Variants in TNRC6B observed in about 807,000 individuals in gnomAD.
The protein encoded by TNRC6B is trinucleotide repeat-containing gene 6B protein.
Under a neutral mutation model 203.6 loss-of-function variants are expected in TNRC6B, and 52 were observed. That is an observed-to-expected ratio of 0.26 (90% CI 0.20 to 0.32). TNRC6B has a LOEUF of 0.32. TNRC6B is among the 10% of genes least tolerant of loss of function. TNRC6B has a pLI of 1.00. For missense variants in TNRC6B, 1,923 were observed against 2,286.2 expected, an observed-to-expected ratio of 0.84 and a Z score of 3.24; for synonymous variants, 838 against 845.7, an observed-to-expected ratio of 0.99 and a Z score of 0.16.
At chr22:40,192,655 C>T (rs535697367) in intron 1 of TNRC6B, among the ~76,000 whole-genome samples, 1 of 152,094 alleles carries the variant, frequency 6.6e-6, no homozygotes, top group African/African-American at 2.4e-5. Context: ...GAGCTCCTTC[C>T]GAAGTGGGAT....
chr22:40,082,108 A>C (rs1176891734), intron 1 of TNRC6B, among the ~76,000 whole-genome samples: 1 of 152,234 alleles, frequency 6.6e-6, no homozygotes, highest in East Asian at 1.9e-4. Flanking sequence ...AGTTGAAAAC[A>C]AAAATCCTAG....
chr22:40,325,492 A>T lies in TNRC6B; in HGVS notation c.*2251A>T, dbSNP rs1439895901. On this transcript the variant is annotated 3_prime_UTR_variant, in exon 23 of 23. Transcript: ENST00000454349. The stretch of plus-strand genomic sequence containing the variant: ...AAGCCTGCATGAGCCCTCTGTGGGT[A>T]GGTGGTCACACTTGGCATCTGCAGC... 6.6e-6 allele frequency: 1 copy of T among 152,478 alleles called. No individual in the cohort carries two copies. Among genetic ancestry groups the T allele is most frequent in the African/African-American group, 2.4e-5 (1 of 41,448 alleles). The allele number at this position is 152,478 out of a possible 1,614,324, so 9.4% of individuals were successfully genotyped here.
chr22:40,219,541 G>A (rs962023320), intron 1 of TNRC6B, among the ~76,000 whole-genome samples: 4 of 152,120 alleles, frequency 2.6e-5, no homozygotes, highest in Admixed American at 6.5e-5. Flanking sequence ...GGCATTCACC[G>A]TGCCCCTCAC....
intron 1 of TNRC6B, among the ~76,000 whole-genome samples, chr22:40,192,249 G>A (rs760696945): frequency 8.5e-5 from 13 of 152,176 alleles, no homozygotes; most frequent in Admixed American, 4.6e-4. Flanking sequence ...TCATGTTAAG[G>A]ATCCGGTGGA....
At chr22:40,222,728 C>CTCTTTTTTTTTTTTTT (rs2069728214) in intron 1 of TNRC6B, among the ~76,000 whole-genome samples, 1 of 40,184 alleles carries the variant, frequency 2.5e-5, no homozygotes, top group Non-Finnish European at 4.0e-5. Flanking sequence ...CTCTCTCTCT[C>CTCTTTTTTTTTTTTTT]TTTTTTTTTT....
In TNRC6B at chr22:40,208,031, G is replaced by A. The variant is rs566521379; in HGVS notation, c.5+29891G>A. Among the ~76,000 whole-genome samples, 260 of 151,008 alleles carry A rather than the reference G, an allele frequency of 1.7e-3. 1 individual carries two copies. Among genetic ancestry groups the A allele is most frequent in the Admixed American group, 2.7e-3 (41 of 15,036 alleles). ...CGGGAGGCTGAGGCAGGAGAATGGCGGGAACCCGGGAGGCGGAGCTTGCAG... is the reference window on the plus strand; with the variant it reads ...CGGGAGGCTGAGGCAGGAGAATGGCAGGAACCCGGGAGGCGGAGCTTGCAG... On this transcript the variant is annotated intron_variant, in intron 1 of 22. Transcript: ENST00000454349.
chr22:40,322,823 T>C (rs766865800), intron 22 of TNRC6B, 31 bp from the exon 23 acceptor site: 1 of 1,612,708 alleles, frequency 6.2e-7, no homozygotes, highest in Non-Finnish European at 8.5e-7. Flanking sequence ...TTTCCTGAGA[T>C]CCATAGCTCT....
At chr22:40,062,828 A>G (rs543767167) in intron 1 of TNRC6B, among the ~76,000 whole-genome samples, 5 of 152,302 alleles carry the variant, frequency 3.3e-5, no homozygotes, top group Admixed American at 6.5e-5. Context: ...TTGTTCAATT[A>G]TAATATTTCT....
chr22:40,285,838 G>T, intron 12 of TNRC6B, 68 bp downstream of exon 12: 3 of 1,559,034 alleles, frequency 1.9e-6, no homozygotes, highest in Non-Finnish European at 8.7e-7. Flanking sequence ...GTTGTTAACT[G>T]ATTTTTGTGG....
At chr22:40,060,151 T>C (rs1047585459) in intron 1 of TNRC6B, among the ~76,000 whole-genome samples, 19 of 150,954 alleles carry the variant, frequency 1.3e-4, no homozygotes, top group Non-Finnish European at 1.6e-4. Context: ...TTTCTTTTTT[T>C]TTTTTTTTAA....
At chr22:40,322,052 GC>G (rs2146580808) in intron 22 of TNRC6B, among the ~76,000 whole-genome samples, 1 of 152,292 alleles carries the variant, frequency 6.6e-6, no homozygotes, top group African/African-American at 2.4e-5. Context: ...GGATGAGGGG[GC>G]TCAGGCAGCG....
At chr22:40,187,709 A>G (rs950312392) in intron 1 of TNRC6B, among the ~76,000 whole-genome samples, 1 of 152,096 alleles carries the variant, frequency 6.6e-6, no homozygotes, top group African/African-American at 2.4e-5. Flanking sequence ...CTTGTCTCTC[A>G]CTTTTCTTAT....
chr22:40,177,843 C>A, upstream of TNRC6B: 8 of 1,318,172 alleles, frequency 6.1e-6, no homozygotes, highest in Non-Finnish European at 7.7e-6. Context: ...AGCTCCAGCT[C>A]CCTCCCCTTT....
intron 1 of TNRC6B, among the ~76,000 whole-genome samples, chr22:40,047,787 A>G (rs1192185937): frequency 1.3e-5 from 2 of 152,116 alleles, no homozygotes; most frequent in Non-Finnish European, 2.9e-5. Context: ...GTCCCGGGCT[A>G]TTGTGTATTG....
chr22:40,124,967 C>G (rs2146323630), intron 2 of TNRC6B, among the ~76,000 whole-genome samples: 1 of 151,454 alleles, frequency 6.6e-6, no homozygotes, highest in East Asian at 2.0e-4. Flanking sequence ...GAGCCAAACT[C>G]TCACCACTGC....
At chr22:40,100,184 T>C (rs919089715) in intron 1 of TNRC6B, among the ~76,000 whole-genome samples, 2 of 151,930 alleles carry the variant, frequency 1.3e-5, no homozygotes, top group African/African-American at 4.8e-5. Context: ...CCTTCCAGGT[T>C]CAAATGATTC....
chr22:40,172,093 T>G (rs1317658341), intron 4 of TNRC6B, among the ~76,000 whole-genome samples: 2 of 152,120 alleles, frequency 1.3e-5, no homozygotes, highest in East Asian at 3.8e-4. Context: ...TTGGCCAGGC[T>G]GGCCTCGAAC....
intron 12 of TNRC6B, among the ~76,000 whole-genome samples, chr22:40,289,292 A>G (rs2070836164): frequency 6.6e-6 from 1 of 152,098 alleles, no homozygotes; most frequent in South Asian, 2.1e-4. Context: ...AAAAAAGAAA[A>G]AAAGAGGAAG....
At chr22:40,304,704 A>G (rs971235466) in intron 15 of TNRC6B, among the ~76,000 whole-genome samples, 2 of 152,214 alleles carry the variant, frequency 1.3e-5, no homozygotes, top group Non-Finnish European at 2.9e-5. Flanking sequence ...AAACAAAGTA[A>G]TTCATCTTCT....
Sources: allele counts gnomAD v4.1 joint callset (sites outside exome capture counted in the v4.1 genomes callset), GRCh38; gene constraint gnomAD v4.1.1; transcripts MANE v1.5; gene names NCBI Gene and HGNC (gene_info 2026-07-23, HGNC 2026-07-21).